Variants in RCAN2 observed in about 807,000 individuals in gnomAD.
RCAN2 encodes the protein calcipressin-2.
A neutral mutation model predicts 23.6 loss-of-function variants in RCAN2; 9 were observed. That is an observed-to-expected ratio of 0.38 (90% CI 0.23 to 0.67). The LOEUF is 0.67. RCAN2 is among the 30% of genes least tolerant of loss of function. The pLI is 0.51. For missense variants in RCAN2, 273 were observed against 302.3 expected, an observed-to-expected ratio of 0.90 and a Z score of 0.72; for synonymous variants, 109 against 115.7, an observed-to-expected ratio of 0.94 and a Z score of 0.37.
At chr6:46,328,203 T>C (rs555215041) in intron 2 of RCAN2, among the ~76,000 whole-genome samples, 13 of 152,206 alleles carry the variant, frequency 8.5e-5, no homozygotes, top group Non-Finnish European at 1.3e-4. Flanking sequence ...CTTTCTAATT[T>C]GATTCTGCCC....
At chr6:46,473,453 G>A (rs1374387221) in intron 1 of RCAN2, among the ~76,000 whole-genome samples, 1 of 150,594 alleles carries the variant, frequency 6.6e-6, no homozygotes, top group East Asian at 1.9e-4. Flanking sequence ...ATTTTTTTTT[G>A]TTCTCTTTAA....
chr6:46,286,302 C>T (rs1762370505), intron 2 of RCAN2, among the ~76,000 whole-genome samples: 1 of 152,164 alleles, frequency 6.6e-6, no homozygotes, highest in African/African-American at 2.4e-5. Context: ...TTTTTTCTCT[C>T]CATAAATCCT....
intron 2 of RCAN2, among the ~76,000 whole-genome samples, chr6:46,298,583 G>C (rs1332815151): frequency 6.6e-6 from 1 of 152,166 alleles, no homozygotes; most frequent in Non-Finnish European, 1.5e-5. Flanking sequence ...CACTTTGGTA[G>C]ATACCGTACA....
chr6:46,286,411 A>G (rs1016121997), intron 2 of RCAN2, among the ~76,000 whole-genome samples: 3 of 152,218 alleles, frequency 2.0e-5, no homozygotes, highest in African/African-American at 7.2e-5. Flanking sequence ...ACTATTATAT[A>G]TCATGCATCT....
chr6:46,305,331 C>T (rs1385378303), intron 2 of RCAN2, among the ~76,000 whole-genome samples: 2 of 152,078 alleles, frequency 1.3e-5, no homozygotes, highest in African/African-American at 4.8e-5. Context: ...CGTAGCTTCT[C>T]AGGCTTTCCA....
intron 2 of RCAN2, among the ~76,000 whole-genome samples, chr6:46,334,180 C>A (rs748970829): frequency 2.0e-5 from 3 of 152,206 alleles, no homozygotes; most frequent in Non-Finnish European, 4.4e-5. Context: ...CTTTCACTAT[C>A]TCCTTAGCCT....
intron 1 of RCAN2, among the ~76,000 whole-genome samples, chr6:46,483,564 G>A (rs1419189177): frequency 6.6e-6 from 1 of 152,188 alleles, no homozygotes; most frequent in East Asian, 1.9e-4. Flanking sequence ...GTCAGCCTTT[G>A]AAAATCTGAC....
At chr6:46,414,226 T>G (rs1416374538) in intron 2 of RCAN2, among the ~76,000 whole-genome samples, 1 of 152,220 alleles carries the variant, frequency 6.6e-6, no homozygotes, top group Non-Finnish European at 1.5e-5. Context: ...GCAGATATCA[T>G]GAATTATACA....
intron 2 of RCAN2, among the ~76,000 whole-genome samples, chr6:46,314,878 T>C (rs1763384392): frequency 6.6e-6 from 1 of 152,054 alleles, no homozygotes; most frequent in Non-Finnish European, 1.5e-5. Flanking sequence ...CTGGGCAACA[T>C]GGAAAAACCC....
chr6:46,276,880 C>A (rs1294285758), intron 2 of RCAN2, among the ~76,000 whole-genome samples: 5 of 152,182 alleles, frequency 3.3e-5, no homozygotes, highest in Non-Finnish European at 7.3e-5. Flanking sequence ...ATTTTGTGAG[C>A]TAGACAGGGC....
chr6:46,227,034 A>G (rs1765694253), intron 4 of RCAN2, among the ~76,000 whole-genome samples: 1 of 152,174 alleles, frequency 6.6e-6, no homozygotes, highest in African/African-American at 2.4e-5. Flanking sequence ...TTCTGCATCT[A>G]TTGAGATAAT....
intron 2 of RCAN2, among the ~76,000 whole-genome samples, chr6:46,301,985 A>G (rs1486947607): frequency 6.6e-6 from 1 of 152,092 alleles, no homozygotes; most frequent in African/African-American, 2.4e-5. Context: ...GTGCTTTCCA[A>G]TGACCACTTT....
rs181640332 is a variant in RCAN2 at position 46,427,751 on chromosome 6, C to T, written c.225+29001G>A. On this transcript the variant is annotated intron_variant, in intron 2 of 4. Coordinates refer to ENST00000371374, the MANE Select transcript of RCAN2 (RefSeq NM_001251974.2). Reference sequence around the variant, plus strand: ...GAGGGCTTTGCATTTTCAAAAGAAACGAGAGAAACCAACAGATAGACAATT... The same window carrying T: ...GAGGGCTTTGCATTTTCAAAAGAAATGAGAGAAACCAACAGATAGACAATT... Among the ~76,000 whole-genome samples the T allele has an allele frequency of 4.4e-3, 673 of 152,278 alleles. 4 individuals carry two copies. The highest frequency in any genetic ancestry group is 0.015 in the African/African-American group (619 of 41,562).
chr6:46,237,134 TTG>T (rs1428054039), intron 4 of RCAN2, among the ~76,000 whole-genome samples: 2 of 152,238 alleles, frequency 1.3e-5, no homozygotes, highest in Non-Finnish European at 2.9e-5. Flanking sequence ...GAGCCTAGTT[TTG>T]TCTTTCACTT....
chr6:46,442,311 C>T (rs192697872), intron 2 of RCAN2, among the ~76,000 whole-genome samples: 4 of 152,318 alleles, frequency 2.6e-5, no homozygotes, highest in South Asian at 2.1e-4. Context: ...ATGGCCCCCA[C>T]GATGGTTGTG....
At chr6:46,391,092 A>T (rs1765919800) in intron 2 of RCAN2, among the ~76,000 whole-genome samples, 8 of 152,222 alleles carry the variant, frequency 5.3e-5, no homozygotes, top group Admixed American at 5.2e-4. Context: ...GCTCAGCTCC[A>T]CTTTCTTTAA....
intron 2 of RCAN2, among the ~76,000 whole-genome samples, chr6:46,300,790 G>A (rs1248867321): frequency 6.6e-6 from 1 of 151,874 alleles, no homozygotes; most frequent in Non-Finnish European, 1.5e-5. Context: ...GCTATTAAAT[G>A]ATCACATTCT....
intron 2 of RCAN2, among the ~76,000 whole-genome samples, chr6:46,333,019 T>C (rs1764031082): frequency 6.6e-6 from 1 of 152,242 alleles, no homozygotes; most frequent in Admixed American, 6.5e-5. Context: ...TGTGAGATGG[T>C]ATCTCATTGT....
chr6:46,484,778 G>C (rs1768952553), intron 1 of RCAN2, among the ~76,000 whole-genome samples: 1 of 152,148 alleles, frequency 6.6e-6, no homozygotes, highest in Non-Finnish European at 1.5e-5. Flanking sequence ...CATGTATGCT[G>C]AATCTACCAG....
Sources: allele counts gnomAD v4.1 joint callset (sites outside exome capture counted in the v4.1 genomes callset), GRCh38; gene constraint gnomAD v4.1.1; transcripts MANE v1.5; gene names NCBI Gene and HGNC (gene_info 2026-07-23, HGNC 2026-07-21).